Variants in PDE4D observed in about 807,000 individuals in gnomAD.
PDE4D encodes the protein 3',5'-cyclic-AMP phosphodiesterase 4D.
In PDE4D, 24 loss-of-function variants were observed where a neutral mutation model predicts 87.4. The ratio of observed to expected loss-of-function variants is 0.27; its 90% confidence interval spans 0.20 to 0.39. The LOEUF is 0.39. PDE4D is among the 10% of genes least tolerant of loss of function. The pLI is 1.00. For synonymous variants in PDE4D, 384 were observed against 383.2 expected (o/e 1.00, Z -0.02); for missense variants, 714 against 1,041.0 (o/e 0.69, Z 4.32).
intron 1 of PDE4D, among the ~76,000 whole-genome samples, chr5:59,522,637 T>C (rs1174284890): frequency 3.3e-5 from 5 of 152,220 alleles, no homozygotes; most frequent in Admixed American, 3.3e-4. Context: ...TACTTGTTCT[T>C]ATTAAATTGC....
At chr5:59,478,567 A>G (rs1225768105) in intron 1 of PDE4D, among the ~76,000 whole-genome samples, 1 of 152,112 alleles carries the variant, frequency 6.6e-6, no homozygotes, top group Non-Finnish European at 1.5e-5. Context: ...ATTTGTCAAT[A>G]ATTTAAATAT....
chr5:60,401,051 C>T (rs965085388), intron 1 of PDE4D, among the ~76,000 whole-genome samples: 8 of 152,166 alleles, frequency 5.3e-5, no homozygotes, highest in African/African-American at 1.4e-4. Flanking sequence ...TTTACAAAAC[C>T]GTGGTACTGG....
chr5:60,382,230 G>A (rs558638838), intron 1 of PDE4D, among the ~76,000 whole-genome samples: 1 of 151,934 alleles, frequency 6.6e-6, no homozygotes, highest in African/African-American at 2.4e-5. Context: ...AAATAAACTG[G>A]GGCAGAGAAA....
intron 1 of PDE4D, among the ~76,000 whole-genome samples, chr5:59,393,580 T>G (rs1334777087): frequency 3.3e-5 from 5 of 152,238 alleles, no homozygotes; most frequent in African/African-American, 1.2e-4. Context: ...AGTGAAGTCT[T>G]ACATTATAAA....
chr5:59,503,995 T>A (rs967025376), intron 1 of PDE4D, among the ~76,000 whole-genome samples: 6 of 152,212 alleles, frequency 3.9e-5, no homozygotes, highest in Non-Finnish European at 8.8e-5. Flanking sequence ...TACTTTTATA[T>A]ATTGGGTCTA....
chr5:60,381,412 T>C (rs572396326), intron 1 of PDE4D, among the ~76,000 whole-genome samples: 1 of 152,242 alleles, frequency 6.6e-6, no homozygotes. Context: ...TATCTTTTGC[T>C]TTTCAGATTT....
At chr5:59,712,306 T>G (rs1754307992) in intron 1 of PDE4D, among the ~76,000 whole-genome samples, 1 of 150,690 alleles carries the variant, frequency 6.6e-6, no homozygotes, top group East Asian at 1.9e-4. Flanking sequence ...TCGTTCTGTC[T>G]GTCTATCCAT....
At chr5:59,520,548 A>C (rs1352241966) in intron 1 of PDE4D, among the ~76,000 whole-genome samples, 1 of 152,214 alleles carries the variant, frequency 6.6e-6, no homozygotes, top group Non-Finnish European at 1.5e-5. Context: ...CACCTCTCAG[A>C]GAAACCGAGG....
chr5:59,327,395 A>G (rs1775909616), intron 1 of PDE4D, among the ~76,000 whole-genome samples: 1 of 152,116 alleles, frequency 6.6e-6, no homozygotes, highest in Non-Finnish European at 1.5e-5. Context: ...GTCAATAATT[A>G]GCAACAGAGC....
intron 2 of PDE4D, among the ~76,000 whole-genome samples, chr5:59,207,704 T>A (rs572486322): frequency 6.6e-6 from 1 of 152,208 alleles, no homozygotes; most frequent in South Asian, 2.1e-4. Context: ...TCCCTGCATT[T>A]TTTTTTAAAG....
chr5:60,014,762 A>G (rs1000396103), intron 2 of PDE4D, among the ~76,000 whole-genome samples: 3 of 152,240 alleles, frequency 2.0e-5, no homozygotes, highest in African/African-American at 7.2e-5. Context: ...GAGTGACAGG[A>G]CAAAATGAAA....
chr5:59,032,236 GACAA>G (rs1232442871), intron 6 of PDE4D, among the ~76,000 whole-genome samples: 1 of 152,072 alleles, frequency 6.6e-6, no homozygotes, highest in Middle Eastern at 3.4e-3. Flanking sequence ...AAGAATAATT[GACAA>G]ATAAATTTTA....
At chr5:59,308,083 T>C (rs1771776579) in intron 1 of PDE4D, among the ~76,000 whole-genome samples, 1 of 151,772 alleles carries the variant, frequency 6.6e-6, no homozygotes, top group African/African-American at 2.4e-5. Context: ...AAATTGGAAA[T>C]CATCATTCTC....
rs1247444973 is a variant in PDE4D, at chr5:59,351,216, G to T, written c.456-135248C>A. Among the ~76,000 whole-genome samples the T allele has an allele frequency of 7.9e-5, 12 of 152,214 alleles. No homozygotes were observed. The East Asian group carries it at 2.3e-3, about 29-fold the overall frequency. On this transcript the variant is annotated intron_variant, in intron 1 of 14. Transcript: ENST00000340635. Reference sequence around the variant, plus strand: ...ATGTACATGGAAATGGCTCAGAGAGGTTAGGAAACCTGCCCAATCAAGAAA... The same window carrying T: ...ATGTACATGGAAATGGCTCAGAGAGTTTAGGAAACCTGCCCAATCAAGAAA...
intron 1 of PDE4D, among the ~76,000 whole-genome samples, chr5:59,364,858 TTCC>T (rs898858808): frequency 6.6e-6 from 1 of 151,856 alleles, no homozygotes; most frequent in Non-Finnish European, 1.5e-5. Flanking sequence ...CCTTCCTTCC[TTCC>T]TACCTACCTT....
chr5:58,984,863 C>T lies in PDE4D; in HGVS notation c.1552+3630G>A, dbSNP rs546633726. On this transcript the variant is annotated intron_variant, in intron 11 of 14. Transcript: ENST00000340635. ...AAGCTAAGTTAAATATACCCTCCAGCATTTTATATTCAAAAGTTCATGCTG... is the reference window on the plus strand; with the variant it reads ...AAGCTAAGTTAAATATACCCTCCAGTATTTTATATTCAAAAGTTCATGCTG... Among the ~76,000 whole-genome samples, 78 of 152,252 alleles carry T rather than the reference C, an allele frequency of 5.1e-4. 1 individual carries two copies. In the South Asian group the frequency reaches 9.8e-3, roughly 19 times the overall value.
intron 1 of PDE4D, among the ~76,000 whole-genome samples, chr5:59,674,948 T>C (rs1747819484): frequency 6.6e-6 from 1 of 152,228 alleles, no homozygotes; most frequent in Non-Finnish European, 1.5e-5. Flanking sequence ...ACATTCTTAC[T>C]GTCCAGTGAC....
At chr5:60,368,483 C>G (rs1760741231) in intron 1 of PDE4D, among the ~76,000 whole-genome samples, 1 of 152,174 alleles carries the variant, frequency 6.6e-6, no homozygotes, top group Admixed American at 6.5e-5. Flanking sequence ...ATGCATGAAA[C>G]AGGAATTACC....
At chr5:59,344,101 C>T (rs1293237551) in intron 1 of PDE4D, among the ~76,000 whole-genome samples, 5 of 152,078 alleles carry the variant, frequency 3.3e-5, no homozygotes, top group South Asian at 2.1e-4. Context: ...TTTAAAAGTA[C>T]ATTATGCCTT....
Sources: allele counts gnomAD v4.1 joint callset (sites outside exome capture counted in the v4.1 genomes callset), GRCh38; gene constraint gnomAD v4.1.1; transcripts MANE v1.5; gene names NCBI Gene and HGNC (gene_info 2026-07-23, HGNC 2026-07-21).